The following DPH6 variants were observed in gnomAD, a reference collection of about 807,000 sequenced individuals.
DPH6 encodes the protein diphthamine biosynthesis 6, also known as diphthine--ammonia ligase.
Under a neutral mutation model 38.2 loss-of-function variants are expected in DPH6, and 33 were observed. The observed-to-expected ratio is 0.86, with a 90% confidence interval of 0.65 to 1.15. The LOEUF (loss-of-function observed/expected upper bound fraction) is 1.15. DPH6 is among the 50% of genes most tolerant of loss of function. The pLI is 0.00. For synonymous variants in DPH6, 108 were observed against 103.0 expected (o/e 1.05, Z -0.30); for missense variants, 325 against 320.0 (o/e 1.02, Z -0.12).
At chr15:35,393,635 C>T (rs562253790) in intron 6 of DPH6, among the ~76,000 whole-genome samples, 8 of 151,896 alleles carry the variant, frequency 5.3e-5, no homozygotes, top group South Asian at 2.1e-4. Flanking sequence ...AGGATGGCTC[C>T]GGAATGAAGG....
downstream of DPH6, among the ~76,000 whole-genome samples, chr15:35,327,759 A>G (rs574948431): frequency 5.3e-5 from 8 of 152,286 alleles, no homozygotes; most frequent in African/African-American, 1.9e-4. Context: ...TTCCTCAGCT[A>G]GGAAATAAGA....
chr15:35,298,748 C>T, intron 3 of DPH6: 1 of 1,531,732 alleles, frequency 6.5e-7, no homozygotes. Context: ...CACCGTGCCC[C>T]CCAAGTTAGC....
the DPH6 span, among the ~76,000 whole-genome samples, chr15:35,185,061 CA>C: frequency 6.7e-6 from 1 of 149,948 alleles, no homozygotes; most frequent in African/African-American, 2.4e-5. Context: ...GAAAAATTGA[CA>C]AAAAATACAG....
intron 3 of DPH6, among the ~76,000 whole-genome samples, chr15:35,466,986 A>G (rs1168733106): frequency 1.3e-5 from 2 of 152,206 alleles, no homozygotes; most frequent in African/African-American, 4.8e-5. Flanking sequence ...ACAAAGGCCT[A>G]GGACATTACT....
At chr15:35,326,692 G>A (rs553244160), downstream of DPH6, among the ~76,000 whole-genome samples, 381 of 152,120 alleles carry the variant, frequency 2.5e-3, 1 homozygote, top group African/African-American at 6.3e-3. Context: ...CACCTCAGCT[G>A]CCCAAAGTTC....
chr15:35,291,006 C>T (rs527536731), intron 3 of DPH6, among the ~76,000 whole-genome samples: 4 of 151,934 alleles, frequency 2.6e-5, no homozygotes, highest in South Asian at 2.1e-4. Flanking sequence ...GGCTCCAAAA[C>T]CATTAGCCAA....
chr15:35,394,678 T>C (rs1442544374), intron 6 of DPH6, among the ~76,000 whole-genome samples: 1 of 152,206 alleles, frequency 6.6e-6, no homozygotes, highest in African/African-American at 2.4e-5. Flanking sequence ...TCTTAGGTTA[T>C]GTAAGCGCTT....
intron 3 of DPH6, among the ~76,000 whole-genome samples, chr15:35,505,279 G>T (rs2141204757): frequency 6.6e-6 from 1 of 152,132 alleles, no homozygotes; most frequent in African/African-American, 2.4e-5. Context: ...CCAGAAAGCA[G>T]TGTGATTTCT....
chr15:35,209,740 A>C, the DPH6 span, among the ~76,000 whole-genome samples: 2 of 152,350 alleles, frequency 1.3e-5, no homozygotes, highest in East Asian at 1.9e-4. Flanking sequence ...GTTTCTATCA[A>C]GTAATTTTCT....
At chr15:35,456,271 T>A (rs1026727829) in intron 3 of DPH6, among the ~76,000 whole-genome samples, 3 of 151,516 alleles carry the variant, frequency 2.0e-5, no homozygotes, top group African/African-American at 7.3e-5. Flanking sequence ...AGATCAGAGT[T>A]GCTGAATAAT....
chr15:35,369,017 A>G (rs1306246010), downstream of DPH6, among the ~76,000 whole-genome samples: 2 of 151,860 alleles, frequency 1.3e-5, no homozygotes, highest in African/African-American at 2.4e-5. Context: ...AACTTGCAGC[A>G]TATGTGCATG....
intron 3 of DPH6, among the ~76,000 whole-genome samples, chr15:35,343,671 CT>C: frequency 6.6e-6 from 1 of 152,088 alleles, no homozygotes. Context: ...TAAAGGCTAA[CT>C]TAACAAATAT....
intron 3 of DPH6, among the ~76,000 whole-genome samples, chr15:35,464,776 T>C (rs1566920068): frequency 6.6e-6 from 1 of 152,182 alleles, no homozygotes; most frequent in Non-Finnish European, 1.5e-5. Flanking sequence ...TCCTAAAGAT[T>C]TGTTAATGAC....
intron 3 of DPH6, among the ~76,000 whole-genome samples, chr15:35,499,686 CTT>C (rs2054601554): frequency 6.6e-6 from 1 of 152,156 alleles, no homozygotes; most frequent in Non-Finnish European, 1.5e-5. Flanking sequence ...AACAAATAAA[CTT>C]AAGTATTAAG....
At chr15:35,271,381 C>T (rs1176737247) in intron 3 of DPH6, among the ~76,000 whole-genome samples, 2 of 152,126 alleles carry the variant, frequency 1.3e-5, no homozygotes, top group Admixed American at 6.5e-5. Context: ...TCTTTGCAAA[C>T]ATTTCCTCAG....
chr15:35,358,093 T>C (rs538165037), intron 3 of DPH6, among the ~76,000 whole-genome samples: 28 of 152,326 alleles, frequency 1.8e-4, no homozygotes, highest in African/African-American at 6.7e-4. Context: ...TTATTCTTTT[T>C]TCTGTGTCTT....
chr15:35,364,659 T>C (rs1253043091), intron 3 of DPH6, among the ~76,000 whole-genome samples: 1 of 152,100 alleles, frequency 6.6e-6, no homozygotes, highest in Admixed American at 6.6e-5. Flanking sequence ...TTGTTGCTTC[T>C]TTGAAAGTAG....
chr15:35,521,102 G>T, intron 3 of DPH6: 1 of 985,170 alleles, frequency 1.0e-6, no homozygotes, highest in Non-Finnish European at 1.2e-6. Context: ...GCCAATAAAA[G>T]TCAAAAAGTA....
chr15:35,299,503 C>G (rs1380899869), intron 3 of DPH6: 1 of 702,818 alleles, frequency 1.4e-6, no homozygotes, highest in Admixed American at 1.9e-5. Context: ...GTGGCGGCAG[C>G]GCGGAGCCGG....
Sources: gnomAD v4.1 joint callset for allele counts (sites outside exome capture counted in the v4.1 genomes callset) on GRCh38, gnomAD v4.1.1 for gene constraint, MANE v1.5 for transcripts, NCBI Gene and HGNC (gene_info 2026-07-23, HGNC 2026-07-21) for gene names.